The following ARB2A variants were observed in gnomAD, a reference collection of about 807,000 sequenced individuals.
ARB2A encodes cotranscriptional regulator ARB2A.
the ARB2A span, among the ~76,000 whole-genome samples, chr5:93,649,279 A>G: frequency 6.6e-5 from 10 of 152,192 alleles, no homozygotes; most frequent in Non-Finnish European, 1.3e-4. Context: ...GGTCACAATG[A>G]TAAACTCTGG....
At chr5:93,995,379 G>A in the ARB2A span, among the ~76,000 whole-genome samples, 1 of 152,104 alleles carries the variant, frequency 6.6e-6, no homozygotes, top group African/African-American at 2.4e-5. Flanking sequence ...AATACCATGG[G>A]ACCCGTACAA....
At chr5:94,110,911 A>G in the ARB2A span, among the ~76,000 whole-genome samples, 1 of 152,168 alleles carries the variant, frequency 6.6e-6, no homozygotes, top group African/African-American at 2.4e-5. Context: ...ACAGATATAG[A>G]CCCTGGAGCA....
chr5:93,964,351 C>T, the ARB2A span: 64 of 752,810 alleles, frequency 8.5e-5, no homozygotes, highest in East Asian at 1.7e-3. Flanking sequence ...AACATTTAAA[C>T]TTATCACAGT....
At chr5:93,766,688 G>C in the ARB2A span, among the ~76,000 whole-genome samples, 1 of 152,112 alleles carries the variant, frequency 6.6e-6, no homozygotes, top group Admixed American at 6.5e-5. Flanking sequence ...CTCATTACTG[G>C]GGATATACCC....
At chr5:93,715,640 C>T in the ARB2A span, among the ~76,000 whole-genome samples, 3 of 151,286 alleles carry the variant, frequency 2.0e-5, no homozygotes, top group African/African-American at 4.8e-5. Context: ...TCCTTTCCCC[C>T]GCCTTTTTTT....
the ARB2A span, among the ~76,000 whole-genome samples, chr5:93,798,303 A>G: frequency 6.6e-6 from 1 of 152,090 alleles, no homozygotes; most frequent in African/African-American, 2.4e-5. Context: ...AGCACATACT[A>G]TGATCTATTA....
At chr5:93,891,580 T>C in the ARB2A span, among the ~76,000 whole-genome samples, 2 of 152,192 alleles carry the variant, frequency 1.3e-5, no homozygotes, top group Admixed American at 1.3e-4. Flanking sequence ...AAATGTATAC[T>C]CCAATTCTCA....
At chr5:93,625,069 T>TTA in the ARB2A span, among the ~76,000 whole-genome samples, 1 of 152,174 alleles carries the variant, frequency 6.6e-6, no homozygotes, top group African/African-American at 2.4e-5. Flanking sequence ...CCAATAAGCA[T>TTA]ACCTGTATCA....
the ARB2A span, among the ~76,000 whole-genome samples, chr5:94,049,526 C>T: frequency 6.6e-6 from 1 of 151,120 alleles, no homozygotes; most frequent in Admixed American, 6.6e-5. Flanking sequence ...GGTGAAACCC[C>T]ATCTCTACTA....
chr5:93,791,423 C>A, the ARB2A span, among the ~76,000 whole-genome samples: 1 of 152,282 alleles, frequency 6.6e-6, no homozygotes. Context: ...TCAGCATATA[C>A]CCCAAACGTA....
the ARB2A span, among the ~76,000 whole-genome samples, chr5:93,920,072 A>G: frequency 6.6e-6 from 1 of 152,168 alleles, no homozygotes; most frequent in Non-Finnish European, 1.5e-5. Flanking sequence ...TTAAAAATCC[A>G]CAGGATTCTC....
At chr5:94,108,392 T>G in the ARB2A span, among the ~76,000 whole-genome samples, 2 of 152,136 alleles carry the variant, frequency 1.3e-5, no homozygotes, top group Non-Finnish European at 2.9e-5. Flanking sequence ...TTTTTTAATT[T>G]CTAAGTTTGG....
the ARB2A span, among the ~76,000 whole-genome samples, chr5:94,078,115 T>G: frequency 6.6e-6 from 1 of 152,208 alleles, no homozygotes; most frequent in East Asian, 1.9e-4. Context: ...CATTTGTTTG[T>G]TTTTAGTCAG....
chr5:93,653,058 T>C, the ARB2A span, among the ~76,000 whole-genome samples: 2 of 152,050 alleles, frequency 1.3e-5, no homozygotes, highest in African/African-American at 4.8e-5. Flanking sequence ...ATGGGGCCAA[T>C]AAAAATAATA....
chr5:93,974,079 A>C, the ARB2A span, among the ~76,000 whole-genome samples: 9 of 152,152 alleles, frequency 5.9e-5, no homozygotes, highest in African/African-American at 2.2e-4. Flanking sequence ...CAATGTATAC[A>C]CTCCACTTAA....
chr5:93,958,746 CA>C, the ARB2A span: 14,906 of 1,053,192 alleles, frequency 0.014, 4 homozygotes, highest in South Asian at 0.028. Context: ...TATAAAATGC[CA>C]AAAAAAAAAA....
chr5:93,676,518 TA>T, the ARB2A span, among the ~76,000 whole-genome samples: 1 of 152,196 alleles, frequency 6.6e-6, no homozygotes, highest in African/African-American at 2.4e-5. Flanking sequence ...GGCTGGATTT[TA>T]AATTATATCT....
At chr5:93,849,211 T>C in the ARB2A span, among the ~76,000 whole-genome samples, 1 of 152,088 alleles carries the variant, frequency 6.6e-6, no homozygotes, top group Admixed American at 6.6e-5. Flanking sequence ...TAGGATAGGA[T>C]ACCAACAAAT....
At chr5:94,061,167 G>A in the ARB2A span, among the ~76,000 whole-genome samples, 3 of 152,100 alleles carry the variant, frequency 2.0e-5, no homozygotes. Context: ...GAACCCGGGA[G>A]GCAGAGCTTG....
Sources: allele counts gnomAD v4.1 joint callset (sites outside exome capture counted in the v4.1 genomes callset), GRCh38; gene constraint gnomAD v4.1.1; transcripts MANE v1.5; gene names NCBI Gene and HGNC (gene_info 2026-07-23, HGNC 2026-07-21).